AGAP1: variants seen among roughly 807,000 people sequenced by gnomAD.
The protein encoded by AGAP1 is arf-GAP with GTPase, ANK repeat and PH domain-containing protein 1.
Under a neutral mutation model 105.3 loss-of-function variants are expected in AGAP1, and 29 were observed. The observed-to-expected ratio is 0.28, with a 90% CI of 0.21 to 0.38. The LOEUF (loss-of-function observed/expected upper bound fraction) is 0.38, where lower values mean the gene tolerates loss of function less well. AGAP1 is among the 10% of genes least tolerant of loss of function. The pLI, the probability that AGAP1 is intolerant of heterozygous loss-of-function variation, is 1.00. For synonymous variants in AGAP1, 509 were observed against 485.9 expected (o/e 1.05, Z -0.63); for missense variants, 998 against 1,165.1 (o/e 0.86, Z 2.09).
At chr2:235,722,683 C>G (rs1279909910) in intron 3 of AGAP1, among the ~76,000 whole-genome samples, 1 of 152,136 alleles carries the variant, frequency 6.6e-6, no homozygotes, top group Non-Finnish European at 1.5e-5. Context: ...GACCCTCTAT[C>G]CAGGTGAGGT....
At chr2:235,820,240 A>G (rs970891987) in intron 9 of AGAP1, among the ~76,000 whole-genome samples, 3 of 152,206 alleles carry the variant, frequency 2.0e-5, no homozygotes, top group African/African-American at 7.2e-5. Context: ...TTAAAAGAAT[A>G]TGTTATATTG....
rs542002230 is a variant in AGAP1 at position 235,934,317 on chromosome 2, G to C, written c.1483+3394G>C. Among the ~76,000 whole-genome samples the C allele has an allele frequency of 2.9e-3, 446 of 152,304 alleles. 5 individuals carry two copies. Among genetic ancestry groups the C allele is most frequent in the African/African-American group, 0.01 (418 of 41,564 alleles). The stretch of plus-strand genomic sequence containing the variant: ...CTGGTCCACGGACCAAGTGGCATTT[G>C]ACAGCTCCGGGGATTTGGCTGGTGA... On this transcript the variant is annotated intron_variant, in intron 12 of 17. Transcript: ENST00000304032. This position sits in a 1 kb window ranked among gnomAD's most constrained non-coding sequence, Gnocchi z 4.9.
In AGAP1 at chr2:235,515,814, A is replaced by G. The variant is rs569353998; in HGVS notation, c.163+20965A>G. Reference sequence around the variant, plus strand: ...ACTTCTTGCAAATAGTAAGGAAATTAAACACGCACAGAGCTGGGCAAATGC... The same window carrying G: ...ACTTCTTGCAAATAGTAAGGAAATTGAACACGCACAGAGCTGGGCAAATGC... On this transcript the variant is annotated intron_variant, in intron 1 of 17. Transcript: ENST00000304032. Among the ~76,000 whole-genome samples, 17 of 152,290 alleles carry G rather than the reference A, an allele frequency of 1.1e-4. No individual in the cohort carries two copies. The Middle Eastern group carries it at 0.02, about 183-fold the overall frequency.
rs571676600 is a variant in AGAP1, at chr2:235,963,966, A to C, written c.1484-4496A>C. ...GTACACTCATAAAAACAACCGCTGG[A>C]TAACGGAAGAGAGTTTATGATATAA... is the stretch of plus-strand genomic sequence containing the variant. On this transcript the variant is annotated intron_variant, in intron 12 of 17. Coordinates refer to ENST00000304032, the MANE Select transcript of AGAP1 (RefSeq NM_001037131.3). The surrounding 1 kb of genome is among the most constrained non-coding windows in gnomAD (Gnocchi z 5.1). Among the ~76,000 whole-genome samples, 75 of 152,334 alleles carry C rather than the reference A, an allele frequency of 4.9e-4. No individual in the cohort carries two copies. The highest frequency in any genetic ancestry group is 1.7e-3 in the African/African-American group (72 of 41,578).
chr2:235,763,066 GCGCA>G (rs775207612), intron 6 of AGAP1, among the ~76,000 whole-genome samples: 3,327 of 97,498 alleles, frequency 0.034, 138 homozygotes, highest in African/African-American at 0.099. Context: ...GTGCGCGCGC[GCGCA>G]CACGTGCACC....
Position 235,883,276 on chromosome 2 carries a change from G to T in AGAP1, c.1051-69G>T. ...CACACAGAACTTGAATGTATATGTT[G>T]CCTGTGTACCTGCCTTTTCTTTTTT... On this transcript the variant is annotated intron_variant, in intron 9 of 17. Coordinates refer to ENST00000304032, the MANE Select transcript of AGAP1 (RefSeq NM_001037131.3). This position sits in a 1 kb window ranked among gnomAD's most constrained non-coding sequence, Gnocchi z 4.5. 1 of 1,335,496 alleles carries T rather than the reference G, an allele frequency of 7.5e-7. No homozygotes were observed. Among genetic ancestry groups the T allele is most frequent in the Non-Finnish European group, 1.1e-6 (1 of 934,904 alleles). The allele number at this position is 1,335,496 out of a possible 1,614,324, so 82.7% of individuals were successfully genotyped here.
chr2:236,068,903 C>T (rs902889483), intron 16 of AGAP1, among the ~76,000 whole-genome samples: 31 of 150,260 alleles, frequency 2.1e-4, no homozygotes, highest in African/African-American at 7.6e-4. Flanking sequence ...CCAAGGCAGG[C>T]GGATCATGAG....
rs2054887293 is a variant in AGAP1 at position 235,976,963 on chromosome 2, C to T, written c.1645+8340C>T. Among the ~76,000 whole-genome samples the T allele has an allele frequency of 6.6e-6, 1 of 152,214 alleles. No individual in the cohort carries two copies. The highest frequency in any genetic ancestry group is 2.4e-5 in the African/African-American group (1 of 41,456). On this transcript the variant is annotated intron_variant, in intron 13 of 17. Coordinates refer to ENST00000304032, the MANE Select transcript of AGAP1 (RefSeq NM_001037131.3). The surrounding 1 kb of genome is among the most constrained non-coding windows in gnomAD (Gnocchi z 4.5). ...ACAGACAAGCATTTGAGCTCCTTAG[C>T]CTGCTACACAGAAGCATAAACTCAC...
rs1950207301 is a variant in AGAP1 at position 235,700,764 on chromosome 2, C to T, written c.164-8415C>T. Among the ~76,000 whole-genome samples the T allele has an allele frequency of 6.6e-6, 1 of 151,746 alleles. No homozygotes were observed. The highest frequency in any genetic ancestry group is 1.5e-5 in the Non-Finnish European group (1 of 67,982). The stretch of plus-strand genomic sequence containing the variant: ...GCAGTGAGCCAAGATTGTGCCACTG[C>T]ACTCCAGGCTGGGCGACAAAGCGAG... On this transcript the variant is annotated intron_variant, in intron 1 of 17. Coordinates refer to ENST00000304032, the MANE Select transcript of AGAP1 (RefSeq NM_001037131.3). The surrounding 1 kb of genome is among the most constrained non-coding windows in gnomAD (Gnocchi z 6.1).
At chr2:235,518,848 G>T (rs1942502909) in intron 1 of AGAP1, among the ~76,000 whole-genome samples, 1 of 152,198 alleles carries the variant, frequency 6.6e-6, no homozygotes, top group African/African-American at 2.4e-5. Flanking sequence ...TGGCAGGCTT[G>T]CCTCGCGGGT....
rs2059897725 is a variant in AGAP1, at chr2:236,121,489, CG to C, written c.2370+1046del. Among the ~76,000 whole-genome samples the C allele has an allele frequency of 6.6e-6, 1 of 151,718 alleles. No homozygotes were observed. The highest frequency in any genetic ancestry group is 2.1e-4 in the South Asian group (1 of 4,810). On this transcript the variant is annotated intron_variant, in intron 17 of 17. Transcript: ENST00000304032. The surrounding 1 kb of genome is among the most constrained non-coding windows in gnomAD (Gnocchi z 4.9). Reference sequence around the variant, plus strand: ...CTAATTTTTGTATTTTTAGTAGAGACGGGGCTTCACCATGTTGGTCAGTCTG... The same window carrying C: ...CTAATTTTTGTATTTTTAGTAGAGACGGGCTTCACCATGTTGGTCAGTCTG...
rs1049933637 is a variant in AGAP1 at position 235,574,142 on chromosome 2, G to A, written c.163+79293G>A. On this transcript the variant is annotated intron_variant, in intron 1 of 17. Transcript: ENST00000304032. This position sits in a 1 kb window ranked among gnomAD's most constrained non-coding sequence, Gnocchi z 5.0. ...AAAGTTGTCATCAGCTTCATTAGCA[G>A]CACTCAGGCCCAGCTGGGCATTCAG... is the stretch of plus-strand genomic sequence containing the variant. Among the ~76,000 whole-genome samples, 3 of 152,198 alleles carry A rather than the reference G, an allele frequency of 2.0e-5. No individual in the cohort carries two copies. Among genetic ancestry groups the A allele is most frequent in the African/African-American group, 7.2e-5 (3 of 41,458 alleles).
In AGAP1 at chr2:236,036,051, T is replaced by C. The variant is rs2057369783; in HGVS notation, c.1646-510T>C. On this transcript the variant is annotated intron_variant, in intron 13 of 17. Coordinates refer to ENST00000304032, the MANE Select transcript of AGAP1 (RefSeq NM_001037131.3). This position sits in a 1 kb window ranked among gnomAD's most constrained non-coding sequence, Gnocchi z 5.7. The stretch of plus-strand genomic sequence containing the variant: ...CGGGATCCCATGCACTCTCCCTGTC[T>C]GAAAACGTGGGAATTGATGCCTCTC... Among the ~76,000 whole-genome samples, 2 of 152,190 alleles carry C rather than the reference T, an allele frequency of 1.3e-5. No homozygotes were observed. The highest frequency in any genetic ancestry group is 4.1e-4 in the South Asian group (2 of 4,826).
intron 9 of AGAP1, among the ~76,000 whole-genome samples, chr2:235,819,555 G>A (rs114533071): frequency 9.2e-5 from 14 of 152,124 alleles, no homozygotes; most frequent in African/African-American, 2.9e-4. Flanking sequence ...TCTTTGATTC[G>A]TACCAGCCCC....
intron 1 of AGAP1, among the ~76,000 whole-genome samples, chr2:235,678,789 A>T (rs1408139417): frequency 6.6e-6 from 1 of 151,682 alleles, no homozygotes. Context: ...CCTGAGACGT[A>T]GTAAGAGTTC....
intron 13 of AGAP1, among the ~76,000 whole-genome samples, chr2:236,025,382 C>T (rs2057018663): frequency 6.6e-6 from 1 of 152,090 alleles, no homozygotes; most frequent in African/African-American, 2.4e-5. Context: ...AGTAAAATGT[C>T]ATCACCGTGT....
At position 235,748,873 on chromosome 2, in the gene AGAP1, A is replaced by G. The variant is rs960774688; in HGVS notation, c.539-1481A>G. On this transcript the variant is annotated intron_variant, in intron 5 of 17. Transcript: ENST00000304032. ...AGAGTTGTTTATTGTTTTCTTTGGC[A>G]TAAGAGCCTTCAAGCCCTATGAAAA... is the stretch of plus-strand genomic sequence containing the variant. 3.3e-5 allele frequency among the ~76,000 whole-genome samples: 5 copies of G among 152,346 alleles called. No homozygotes were observed. In the East Asian group the frequency reaches 9.6e-4, roughly 29 times the overall value.
rs1290461982 is a variant in AGAP1, at chr2:235,556,637, C to G, written c.163+61788C>G. On this transcript the variant is annotated intron_variant, in intron 1 of 17. Coordinates refer to ENST00000304032, the MANE Select transcript of AGAP1 (RefSeq NM_001037131.3). The surrounding 1 kb of genome is among the most constrained non-coding windows in gnomAD (Gnocchi z 5.3). ...CCAATACTCTGGTTCCCTCTCTCCC[C>G]TATGTGCAAGTAAATAACATGCTAC... is the stretch of plus-strand genomic sequence containing the variant. 6.6e-6 allele frequency among the ~76,000 whole-genome samples: 1 copy of G among 152,186 alleles called. No homozygotes were observed. The highest frequency in any genetic ancestry group is 2.4e-5 in the African/African-American group (1 of 41,450).
chr2:235,599,511 C>T lies in AGAP1; in HGVS notation c.163+104662C>T, dbSNP rs1355716537. Among the ~76,000 whole-genome samples, 1 of 152,284 alleles carries T rather than the reference C, an allele frequency of 6.6e-6. No individual in the cohort carries two copies. The highest frequency in any genetic ancestry group is 2.1e-4 in the South Asian group (1 of 4,832). On this transcript the variant is annotated intron_variant, in intron 1 of 17. Transcript: ENST00000304032. The surrounding 1 kb of genome is among the most constrained non-coding windows in gnomAD (Gnocchi z 5.3). ...TGCAAAGCTATCTTACTCTTTATTC[C>T]ATAGCCACAAAAATAAGTTTATAAA...
Sources: gnomAD v4.1 joint callset for allele counts (sites outside exome capture counted in the v4.1 genomes callset) on GRCh38, gnomAD v4.1.1 for gene constraint, Gnocchi (gnomAD v3.1) non-coding constraint, MANE v1.5 for transcripts, NCBI Gene and HGNC (gene_info 2026-07-23, HGNC 2026-07-21) for gene names.